The following SENP8 variants were observed in gnomAD, a reference collection of about 807,000 sequenced individuals.
The protein encoded by SENP8 is SUMO peptidase family member, NEDD8 specific, also known as sentrin-specific protease 8.
Under a neutral mutation model 14.4 loss-of-function variants are expected in SENP8, and 10 were observed. The ratio of observed to expected loss-of-function variants is 0.69; its 90% confidence interval spans 0.43 to 1.18. SENP8 has a LOEUF of 1.18. Ranked by LOEUF, SENP8 falls within the 50% of genes most tolerant of loss-of-function variation. The probability of loss-of-function intolerance (pLI) is 0.00; values close to 1 mark genes in which losing one functional copy is unlikely to be tolerated. For missense variants in SENP8, 202 were observed against 249.4 expected, an observed-to-expected ratio of 0.81 and a Z score of 1.28; for synonymous variants, 94 against 95.5, an observed-to-expected ratio of 0.98 and a Z score of 0.09.
At chr15:72,131,427 C>T (rs1020489095) in intron 1 of SENP8, among the ~76,000 whole-genome samples, 6 of 152,130 alleles carry the variant, frequency 3.9e-5, no homozygotes, top group African/African-American at 1.4e-4. Flanking sequence ...AGCTTCTTCC[C>T]TTGTATCAGC....
At chr15:72,130,557 A>ATT (rs11411490) in intron 1 of SENP8, among the ~76,000 whole-genome samples, 2,863 of 105,894 alleles carry the variant, frequency 0.027, 83 homozygotes, top group African/African-American at 0.05. Context: ...ATGTTTTAGG[A>ATT]TTTTTTTTTT....
upstream of SENP8, among the ~76,000 whole-genome samples, chr15:72,114,876 C>T (rs1224535554): frequency 6.6e-6 from 1 of 152,128 alleles, no homozygotes; most frequent in African/African-American, 2.4e-5. Context: ...AACTAAAAAC[C>T]TTAATATTCT....
At chr15:72,118,778 A>G (rs2081104633) in intron 1 of SENP8, among the ~76,000 whole-genome samples, 1 of 152,174 alleles carries the variant, frequency 6.6e-6, no homozygotes, top group African/African-American at 2.4e-5. Flanking sequence ...GGAGACCGTG[A>G]GAGAATCCGC....
intron 1 of SENP8, among the ~76,000 whole-genome samples, chr15:72,119,533 G>A (rs970159456): frequency 6.6e-6 from 1 of 152,330 alleles, no homozygotes; most frequent in African/African-American, 2.4e-5. Context: ...TGGATCACGA[G>A]GTCAAGAGAT....
rs1354444012 is a variant in SENP8 at position 72,139,504 on chromosome 15, C to G, written c.-47-73C>G. The G allele has an allele frequency of 2.2e-6, 3 of 1,367,132 alleles. No individual in the cohort carries two copies. In the East Asian group the frequency reaches 6.9e-5, roughly 31 times the overall value. The allele number at this position is 1,367,132 out of a possible 1,614,324, so 84.7% of individuals were successfully genotyped here. The stretch of plus-strand genomic sequence containing the variant: ...AACTGTGTATTTTTTTACCACAACC[C>G]TATAAAAGTAACTACTATTTTCCAG... On this transcript the variant is annotated intron_variant, in intron 1 of 1. Transcript: ENST00000340912.
chr15:72,117,768 G>A (rs1205113098), upstream of SENP8: 2 of 397,934 alleles, frequency 5.0e-6, no homozygotes, highest in African/African-American at 4.1e-5. Context: ...GACCGGAGAT[G>A]GCAGAAGAGG....
At chr15:72,139,556 G>T in intron 1 of SENP8, 21 bp from the exon 2 acceptor site, 2 of 1,534,846 alleles carry the variant, frequency 1.3e-6, no homozygotes, top group South Asian at 2.6e-5. Context: ...GGTATTTATT[G>T]ACAATAATAT....
chr15:72,119,571 A>C (rs907848650), intron 1 of SENP8, among the ~76,000 whole-genome samples: 2 of 151,928 alleles, frequency 1.3e-5, no homozygotes, highest in African/African-American at 4.8e-5. Flanking sequence ...ACATGGTGAA[A>C]CCTCGTCTCT....
At chr15:72,126,787 ACT>A (rs776714829) in intron 1 of SENP8, among the ~76,000 whole-genome samples, 1 of 151,988 alleles carries the variant, frequency 6.6e-6, no homozygotes, top group Non-Finnish European at 1.5e-5. Flanking sequence ...ATGAGAACAG[ACT>A]CTCTCATTGA....
upstream of SENP8, chr15:72,117,616 T>C (rs1041561117): frequency 9.2e-5 from 36 of 392,628 alleles, 1 homozygote; most frequent in East Asian, 6.1e-4. Flanking sequence ...CGGAGCCAAA[T>C]AGCGAGGCTG....
chr15:72,138,378 C>G (rs2081347123), intron 1 of SENP8, among the ~76,000 whole-genome samples: 1 of 141,556 alleles, frequency 7.1e-6, no homozygotes, highest in Non-Finnish European at 1.5e-5. Flanking sequence ...GAGATGGAGT[C>G]TTGCTCTGTT....
At chr15:72,130,831 G>GA (rs1235895666) in intron 1 of SENP8, among the ~76,000 whole-genome samples, 1 of 152,118 alleles carries the variant, frequency 6.6e-6, no homozygotes, top group Non-Finnish European at 1.5e-5. Flanking sequence ...CCAAAGTGCT[G>GA]GGATTACAGG....
intron 1 of SENP8, among the ~76,000 whole-genome samples, chr15:72,135,843 G>C (rs745348289): frequency 1.6e-4 from 24 of 152,186 alleles, no homozygotes; most frequent in African/African-American, 5.8e-4. Context: ...CTTCTTGCAG[G>C]TTCCTTTCCC....
intron 1 of SENP8, among the ~76,000 whole-genome samples, chr15:72,129,448 C>T (rs567663346): frequency 3.3e-5 from 5 of 151,612 alleles, no homozygotes; most frequent in East Asian, 3.9e-4. Flanking sequence ...CTGCAGCCTC[C>T]GCCTCCTGGG....
intron 1 of SENP8, chr15:72,134,944 T>G (rs372423969): frequency 4.7e-5 from 14 of 298,656 alleles, no homozygotes; most frequent in African/African-American, 1.8e-4. Context: ...AGAACAGAGA[T>G]AGCTTCCTGA....
At chr15:72,116,436 T>C (rs2080981584), upstream of SENP8, among the ~76,000 whole-genome samples, 1 of 152,196 alleles carries the variant, frequency 6.6e-6, no homozygotes, top group East Asian at 1.9e-4. Flanking sequence ...TTATTCAACA[T>C]TTTACTGCTA....
In SENP8 at chr15:72,123,169, G is replaced by A. The variant is rs558085957; in HGVS notation, c.-48+4705G>A. On this transcript the variant is annotated intron_variant, in intron 1 of 1. Coordinates refer to ENST00000340912, the MANE Select transcript of SENP8 (RefSeq NM_145204.4). ...GATTTGAAATCCTTAGAACAAATGAGATTAAAAGATCATAGCTTTTTTGTG... is the reference window on the plus strand; with the variant it reads ...GATTTGAAATCCTTAGAACAAATGAAATTAAAAGATCATAGCTTTTTTGTG... Among the ~76,000 whole-genome samples, 40 of 152,292 alleles carry A rather than the reference G, an allele frequency of 2.6e-4. 2 individuals carry two copies. The South Asian group carries it at 7.7e-3, about 29-fold the overall frequency.
upstream of SENP8, among the ~76,000 whole-genome samples, chr15:72,115,873 A>C (rs932297578): frequency 1.3e-5 from 2 of 152,216 alleles, no homozygotes; most frequent in African/African-American, 4.8e-5. Context: ...CATTTAAAAG[A>C]AAAGCATGTA....
chr15:72,128,490 G>GA (rs547100751), intron 1 of SENP8, among the ~76,000 whole-genome samples: 198 of 152,272 alleles, frequency 1.3e-3, no homozygotes, highest in African/African-American at 4.2e-3. Flanking sequence ...GAATGAAACA[G>GA]AAAAAATTGC....
Sources: allele counts gnomAD v4.1 joint callset (sites outside exome capture counted in the v4.1 genomes callset), GRCh38; gene constraint gnomAD v4.1.1; transcripts MANE v1.5; gene names NCBI Gene and HGNC (gene_info 2026-07-23, HGNC 2026-07-21).